SDK1: variants seen among roughly 807,000 people sequenced by gnomAD.
The protein encoded by SDK1 is sidekick cell adhesion molecule 1.
Under a neutral mutation model 245.5 loss-of-function variants are expected in SDK1, and 157 were observed. The ratio of observed to expected loss-of-function variants is 0.64; its 90% CI spans 0.56 to 0.73. The LOEUF (loss-of-function observed/expected upper bound fraction) is 0.73. Among genes scored for constraint, SDK1 ranks in the 30% least tolerant of loss-of-function variants. The probability of loss-of-function intolerance (pLI) is 0.00; values close to 1 mark genes in which losing one functional copy is unlikely to be tolerated. For synonymous variants in SDK1, 1,647 were observed against 1,278.5 expected (o/e 1.29, Z -6.15); for missense variants, 3,583 against 3,002.3 (o/e 1.19, Z -4.52).
At chr7:3,776,524 T>G (rs945665780) in intron 4 of SDK1, among the ~76,000 whole-genome samples, 1 of 152,204 alleles carries the variant, frequency 6.6e-6, no homozygotes, top group African/African-American at 2.4e-5. Flanking sequence ...GATATATGTC[T>G]TCGTCACCTA....
chr7:3,504,007 G>C (rs960066237), intron 1 of SDK1, among the ~76,000 whole-genome samples: 5 of 151,824 alleles, frequency 3.3e-5, no homozygotes, highest in Admixed American at 2.6e-4. Flanking sequence ...AAAATTAGCC[G>C]GGCATGGTGG....
At chr7:3,598,619 T>C (rs1244566343) in intron 1 of SDK1, among the ~76,000 whole-genome samples, 1 of 152,194 alleles carries the variant, frequency 6.6e-6, no homozygotes, top group Non-Finnish European at 1.5e-5. Context: ...CTCATTTCCC[T>C]TGTCCCCATC....
rs1779004995 is a variant in SDK1 at position 4,053,414 on chromosome 7, T to A, written c.2911+1584T>A. Among the ~76,000 whole-genome samples the A allele has an allele frequency of 7.9e-5, 12 of 152,254 alleles. No individual in the cohort carries two copies. In the South Asian group the frequency reaches 2.5e-3, roughly 32 times the overall value. On this transcript the variant is annotated intron_variant, in intron 19 of 44. Transcript: ENST00000404826. ...TGGCCTTTCTAAGGGTCCTCCGTCA[T>A]CCTGTTCCCTTCTTCCCCTCTCTGT...
chr7:3,934,705 C>T (rs970443064), intron 5 of SDK1, among the ~76,000 whole-genome samples: 1 of 152,210 alleles, frequency 6.6e-6, no homozygotes, highest in Admixed American at 6.5e-5. Flanking sequence ...AGCACGTGTC[C>T]AAATGCGCAA....
chr7:4,214,203 A>G (rs370184061), intron 38 of SDK1, among the ~76,000 whole-genome samples: 1 of 152,216 alleles, frequency 6.6e-6, no homozygotes, highest in Admixed American at 6.5e-5. Flanking sequence ...CATGATGGGC[A>G]GAAAGCGTCT....
At chr7:3,476,390 T>C (rs776260184) in intron 1 of SDK1, among the ~76,000 whole-genome samples, 1 of 152,138 alleles carries the variant, frequency 6.6e-6, no homozygotes, top group Non-Finnish European at 1.5e-5. Context: ...AAAAGGTGAG[T>C]GGTAGTTCCA....
chr7:4,127,422 A>G lies in SDK1; in HGVS notation c.3865A>G (p.Ser1289Gly), dbSNP rs1427232205. ...TGAGAACGTGTCAGCCGAGGCTGTC[A>G]GCTCGACCCAGATTTTACTGACATG... ...APENVSAEAV[S>G]STQILLTWTS... is the part of the protein sequence containing the mutation. The change falls in exon 26 of 45, where the codon AGC (serine) becomes GGC (glycine). Residue 1289 changes from serine to glycine, a missense_variant. By Grantham distance (56) the Ser-to-Gly change is moderately conservative. Coordinates refer to ENST00000404826, the MANE Select transcript of SDK1 (RefSeq NM_152744.4). The G allele has an allele frequency of 6.2e-7, 1 of 1,614,212 alleles. No individual in the cohort carries two copies. Among genetic ancestry groups the G allele is most frequent in the Non-Finnish European group, 8.5e-7 (1 of 1,180,030 alleles).
chr7:3,800,370 CTTAT>C lies in SDK1; in HGVS notation c.714-21054_714-21051del, dbSNP rs923376278. Among the ~76,000 whole-genome samples, 566 of 148,988 alleles carry C rather than the reference CTTAT, an allele frequency of 3.8e-3. 4 individuals are homozygous for C. Among genetic ancestry groups the C allele is most frequent in the African/African-American group, 0.012 (497 of 39,958 alleles). ...CATCTTTTACTTACTTACTTACTTA[CTTAT>C]TTATTTATTTATTTATTTATTTATT... On this transcript the variant is annotated intron_variant, in intron 4 of 44. Transcript: ENST00000404826.
intron 40 of SDK1, among the ~76,000 whole-genome samples, chr7:4,231,030 C>G (rs756071450): frequency 6.6e-6 from 1 of 152,088 alleles, no homozygotes; most frequent in East Asian, 1.9e-4. Context: ...CAACAGTTCT[C>G]CAGGTCCAGA....
chr7:4,111,383 T>C (rs1783333794), intron 23 of SDK1, among the ~76,000 whole-genome samples: 1 of 152,222 alleles, frequency 6.6e-6, no homozygotes, highest in African/African-American at 2.4e-5. Flanking sequence ...GATGTTGAGT[T>C]TGATAATGTC....
chr7:4,263,283 G>C (rs1788167243), intron 44 of SDK1, among the ~76,000 whole-genome samples: 1 of 147,960 alleles, frequency 6.8e-6, no homozygotes, highest in South Asian at 2.2e-4. Flanking sequence ...CAAAGACCCA[G>C]ATCTTCCCCA....
rs201319808 is a variant in SDK1, at chr7:4,210,101, G to A, written c.5478G>A (p.Ala1826=). Residue 1826 remains alanine, a synonymous_variant, in exon 38 of 45, where the codon GCG becomes GCA. Coordinates refer to ENST00000404826, the MANE Select transcript of SDK1 (RefSeq NM_152744.4). ...TCAACGTGTCCTGGGGCGAGCCTGC[G>A]GCGGCCAACGGCATCCTGCAGGGCT... The part of the protein sequence containing the change: ...TTLNVSWGEP[A]AANGILQGYR... 59 of 1,610,230 alleles carry A rather than the reference G, an allele frequency of 3.7e-5. No homozygotes were observed. The highest frequency in any genetic ancestry group is 2.4e-4 in the African/African-American group (18 of 74,854).
rs12669226 is a variant in SDK1, at chr7:4,203,219, A to G, written c.5099-2660A>G. ...GCCAGAATTCCAGAACATTTCAGAA[A>G]TGTCAGGAATTCCACGATGGCTGTC... is the stretch of plus-strand genomic sequence containing the variant. On this transcript the variant is annotated intron_variant, in intron 35 of 44. Coordinates refer to ENST00000404826, the MANE Select transcript of SDK1 (RefSeq NM_152744.4). Among the ~76,000 whole-genome samples the G allele has an allele frequency of 2.3e-3, 354 of 152,290 alleles. 10 individuals carry two copies. In the East Asian group the frequency reaches 0.061, roughly 26 times the overall value.
intron 1 of SDK1, among the ~76,000 whole-genome samples, chr7:3,602,451 T>A (rs1032390443): frequency 1.3e-5 from 2 of 152,006 alleles, no homozygotes; most frequent in South Asian, 4.2e-4. Flanking sequence ...TTTTTTCATG[T>A]CTTTTGGCTG....
chr7:4,125,168 G>GTGGA lies in SDK1; in HGVS notation c.3824-2197_3824-2194dup, dbSNP rs367956909. On this transcript the variant is annotated intron_variant, in intron 25 of 44. Transcript: ENST00000404826. ...GATCGATTTATGGATGGATGGATGG[G>GTGGA]TGGATGGATGGATGGATGGGTGATG... 7.1e-3 allele frequency among the ~76,000 whole-genome samples: 986 copies of GTGGA among 139,714 alleles called. 11 individuals carry two copies. The highest frequency in any genetic ancestry group is 0.025 in the African/African-American group (938 of 37,058). 91.7% of individuals were successfully genotyped at this position (139,714 alleles called of 152,430 possible).
At chr7:3,356,341 T>G (rs1487635202) in intron 1 of SDK1, among the ~76,000 whole-genome samples, 2 of 152,130 alleles carry the variant, frequency 1.3e-5, no homozygotes, top group African/African-American at 4.8e-5. Context: ...TCTGGGCAGT[T>G]GCCGTGCACA....
rs371516444 is a variant in SDK1, at chr7:4,265,286, C to T, written c.6544C>T (p.Leu2182=). The part of the protein sequence containing the change: ...AVAGSEAGAQ[L]HPVITTQSAG... Reference sequence around the variant, plus strand: ...GGCGGGCTCCGAGGCGGGCGCGCAGCTGCACCCGGTCATCACCACGCAGAG... The same window carrying T: ...GGCGGGCTCCGAGGCGGGCGCGCAGTTGCACCCGGTCATCACCACGCAGAG... Residue 2182 remains leucine (L), a synonymous_variant, in exon 45 of 45, where the codon CTG becomes TTG. Transcript: ENST00000404826. The T allele has an allele frequency of 2.3e-5, 36 of 1,585,192 alleles. No homozygotes were observed. The African/African-American group carries it at 4.0e-4, about 18-fold the overall frequency.
At chr7:3,551,333 G>A (rs76350075) in intron 1 of SDK1, among the ~76,000 whole-genome samples, 1,684 of 152,234 alleles carry the variant, frequency 0.011, 18 homozygotes, top group Non-Finnish European at 0.017. Context: ...GAAATAAACT[G>A]AATTTTTAAT....
intron 44 of SDK1, among the ~76,000 whole-genome samples, chr7:4,258,840 A>T (rs1299451568): frequency 6.6e-6 from 1 of 152,100 alleles, no homozygotes; most frequent in Non-Finnish European, 1.5e-5. Context: ...ATGATAATGA[A>T]CCCTAACCCC....
Sources: allele counts gnomAD v4.1 joint callset (sites outside exome capture counted in the v4.1 genomes callset), GRCh38; gene constraint gnomAD v4.1.1; transcripts MANE v1.5; gene names NCBI Gene and HGNC (gene_info 2026-07-23, HGNC 2026-07-21).